Variants in COL22A1 observed in about 807,000 individuals in gnomAD.
COL22A1 encodes the protein collagen type XXII alpha 1 chain, also known as collagen alpha-1(XXII) chain.
A neutral mutation model predicts 248.9 loss-of-function variants in COL22A1; 221 were observed. The observed-to-expected ratio is 0.89, with a 90% confidence interval of 0.80 to 0.99. The LOEUF (loss-of-function observed/expected upper bound fraction) is 0.99, where lower values mean the gene tolerates loss of function less well. Ranked by LOEUF, COL22A1 falls within the 50% of genes least tolerant of loss-of-function variation. The pLI is 0.00. For synonymous variants in COL22A1, 891 were observed against 793.4 expected, an observed-to-expected ratio of 1.12 and a Z score of -2.07; for missense variants, 2,240 against 2,179.0, an observed-to-expected ratio of 1.03 and a Z score of -0.56.
At chr8:138,626,917 C>A (rs1180167550) in intron 50 of COL22A1, among the ~76,000 whole-genome samples, 1 of 152,120 alleles carries the variant, frequency 6.6e-6, no homozygotes, top group Non-Finnish European at 1.5e-5. Flanking sequence ...TAATTCCTAT[C>A]ATGGTGAGTA....
At chr8:138,680,130 C>T (rs1041965163) in intron 39 of COL22A1, among the ~76,000 whole-genome samples, 32 of 152,134 alleles carry the variant, frequency 2.1e-4, no homozygotes, top group Non-Finnish European at 2.9e-5. Flanking sequence ...AATGTTCTGA[C>T]AGGAAAAGCC....
chr8:138,597,216 C>T (rs1234239287), intron 61 of COL22A1, among the ~76,000 whole-genome samples: 2 of 152,230 alleles, frequency 1.3e-5, no homozygotes, highest in African/African-American at 4.8e-5. Flanking sequence ...GCCCTTCCTT[C>T]CATACCCTTC....
intron 43 of COL22A1, among the ~76,000 whole-genome samples, chr8:138,660,865 C>T (rs534520017): frequency 0.014 from 1,504 of 111,076 alleles, 23 homozygotes; most frequent in African/African-American, 0.042. Context: ...CACAGACACA[C>T]AAACACACAG....
chr8:138,827,193 T>C (rs536694071), intron 5 of COL22A1: 55 of 175,756 alleles, frequency 3.1e-4, no homozygotes, highest in African/African-American at 1.2e-3. Context: ...CTTGGTGCCC[T>C]GTCCCAGATG....
intron 1 of COL22A1, among the ~76,000 whole-genome samples, chr8:138,910,575 G>T (rs2873685): frequency 0.96 from 146,600 of 152,220 alleles, 70,643 homozygotes; most frequent in East Asian, 1. Context: ...TCTTCCTCGA[G>T]TTTGCAGTTA....
rs747575995 is a variant in COL22A1 at position 138,877,996 on chromosome 8, T to C, written c.412A>G (p.Arg138Gly). ...GCCACCTGCTTGTAGGCGCGGTCCCTGGGGCGGCCGCCGGCGTGTGGGGAG... is the reference window on the plus strand; with the variant it reads ...GCCACCTGCTTGTAGGCGCGGTCCCCGGGGCGGCCGCCGGCGTGTGGGGAG... ...SFSPHAGGRPRDRAYKQVAIL... is the reference protein window; with the variant it reads ...SFSPHAGGRPGDRAYKQVAIL... The change falls in exon 3 of 65, where the codon AGG becomes GGG. Residue 138 changes from arginine (R) to glycine (G), a missense_variant. Arg to Gly is a moderately radical substitution (Grantham distance 125, BLOSUM62 -2). Coordinates refer to ENST00000303045, the MANE Select transcript of COL22A1 (RefSeq NM_152888.3). The C allele has an allele frequency of 6.9e-6, 11 of 1,583,992 alleles. No individual in the cohort carries two copies. In the East Asian group the frequency reaches 2.1e-4, roughly 30 times the overall value.
intron 30 of COL22A1, among the ~76,000 whole-genome samples, chr8:138,708,431 A>C (rs1828669318): frequency 6.6e-6 from 1 of 152,234 alleles, no homozygotes. Flanking sequence ...ACTGGTACCA[A>C]AACGGAGATA....
intron 1 of COL22A1, among the ~76,000 whole-genome samples, chr8:138,896,081 T>C (rs941054628): frequency 1.1e-4 from 16 of 152,118 alleles, no homozygotes; most frequent in Admixed American, 3.9e-4. Context: ...GCAAAGATAA[T>C]CTCATAAGAA....
At chr8:138,692,499 G>C (rs141243171) in intron 35 of COL22A1, among the ~76,000 whole-genome samples, 2,824 of 147,944 alleles carry the variant, frequency 0.019, 38 homozygotes, top group Middle Eastern at 0.049. Context: ...GTGTGTGTGT[G>C]TGTGTGTGTG....
intron 3 of COL22A1, among the ~76,000 whole-genome samples, chr8:138,862,863 T>A (rs1248154286): frequency 6.6e-6 from 1 of 152,056 alleles, no homozygotes; most frequent in Non-Finnish European, 1.5e-5. Flanking sequence ...GGAGGAGACT[T>A]GTGCCCAGCG....
Position 138,741,596 on chromosome 8 carries a change from A to G in COL22A1, c.2086-4019T>C, listed in dbSNP as rs145326609. On this transcript the variant is annotated intron_variant, in intron 22 of 64. Coordinates refer to ENST00000303045, the MANE Select transcript of COL22A1 (RefSeq NM_152888.3). ...ATAAAGCATCCCTCAACTGTAACAG[A>G]GAGTGATGAGAATGAGGAGGAAGAT... 2.8e-4 allele frequency among the ~76,000 whole-genome samples: 43 copies of G among 152,364 alleles called. No individual in the cohort carries two copies. In the East Asian group the frequency reaches 8.1e-3, roughly 29 times the overall value.
rs1825040741 is a variant in COL22A1 at position 138,671,687 on chromosome 8, G to C, written c.3150+4871C>G. On this transcript the variant is annotated intron_variant, in intron 41 of 64. Coordinates refer to ENST00000303045, the MANE Select transcript of COL22A1 (RefSeq NM_152888.3). The stretch of plus-strand genomic sequence containing the variant: ...ATGCTGGAGGTTCTTCCACGGAGCA[G>C]AGAAAAGTCGTCATATTACAAGAAA... Among the ~76,000 whole-genome samples the C allele has an allele frequency of 2.6e-5, 4 of 152,356 alleles. No homozygotes were observed. In the South Asian group the frequency reaches 6.2e-4, roughly 24 times the overall value.
chr8:138,591,914 T>C (rs999419146), intron 63 of COL22A1, among the ~76,000 whole-genome samples: 1 of 152,208 alleles, frequency 6.6e-6, no homozygotes, highest in African/African-American at 2.4e-5. Flanking sequence ...CACTCTCTCA[T>C]ATGCCGTACA....
At chr8:138,629,814 G>C (rs1820560000) in intron 50 of COL22A1, among the ~76,000 whole-genome samples, 1 of 138,448 alleles carries the variant, frequency 7.2e-6, no homozygotes, top group Non-Finnish European at 1.6e-5. Context: ...TACCAGGGTA[G>C]GGCTGGCCTG....
At chr8:138,853,892 A>C (rs559131102) in intron 3 of COL22A1, among the ~76,000 whole-genome samples, 43 of 152,248 alleles carry the variant, frequency 2.8e-4, no homozygotes, top group African/African-American at 1.0e-3. Context: ...TTTGGCTGAC[A>C]CCCAGTCTCC....
At chr8:138,596,333 T>C (rs1254487355) in intron 62 of COL22A1, among the ~76,000 whole-genome samples, 2 of 152,200 alleles carry the variant, frequency 1.3e-5, no homozygotes, top group Non-Finnish European at 2.9e-5. Flanking sequence ...CCTTCATACA[T>C]GTTGCTCCAT....
intron 37 of COL22A1, among the ~76,000 whole-genome samples, chr8:138,688,106 C>T (rs1025559492): frequency 9.9e-5 from 15 of 151,914 alleles, no homozygotes; most frequent in African/African-American, 3.6e-4. Context: ...AGAGACATTT[C>T]CTAAGGTGCT....
intron 41 of COL22A1, among the ~76,000 whole-genome samples, chr8:138,665,004 G>A (rs906248666): frequency 5.3e-5 from 8 of 152,190 alleles, no homozygotes; most frequent in East Asian, 3.9e-4. Flanking sequence ...AGGCATTCCC[G>A]AGAGAGCAAA....
intron 18 of COL22A1, among the ~76,000 whole-genome samples, chr8:138,759,186 A>G (rs560000959): frequency 1.3e-5 from 2 of 152,284 alleles, no homozygotes; most frequent in Admixed American, 1.3e-4. Context: ...CCCCATCCTA[A>G]GCTGAGGTCT....
Sources: gnomAD v4.1 joint callset for allele counts (sites outside exome capture counted in the v4.1 genomes callset) on GRCh38, gnomAD v4.1.1 for gene constraint, MANE v1.5 for transcripts, NCBI Gene and HGNC (gene_info 2026-07-23, HGNC 2026-07-21) for gene names.